STPG2: variants seen among roughly 807,000 people sequenced by gnomAD.
The protein encoded by STPG2 is sperm tail PG-rich repeat containing 2.
In STPG2, 56 loss-of-function variants were observed where a neutral mutation model predicts 54.2. The ratio of observed to expected loss-of-function variants is 1.03; its 90% CI spans 0.83 to 1.29. The LOEUF is 1.29. Among genes scored for constraint, STPG2 ranks in the 50% most tolerant of loss-of-function variants. STPG2 has a pLI of 0.00. For missense variants in STPG2, 596 were observed against 544.9 expected (o/e 1.09, Z -0.93); for synonymous variants, 200 against 181.8 (o/e 1.10, Z -0.81).
At chr4:97,802,068 T>C (rs1457901420) in intron 9 of STPG2, among the ~76,000 whole-genome samples, 1 of 152,156 alleles carries the variant, frequency 6.6e-6, no homozygotes, top group Non-Finnish European at 1.5e-5. Flanking sequence ...TCTAAGAATT[T>C]GAATCTCTAA....
intron 8 of STPG2, among the ~76,000 whole-genome samples, chr4:97,844,769 T>A (rs908842585): frequency 6.6e-6 from 1 of 151,988 alleles, no homozygotes; most frequent in Admixed American, 6.6e-5. Context: ...TTTCTGCTCC[T>A]TTCTTTCTCA....
intron 10 of STPG2, among the ~76,000 whole-genome samples, chr4:97,667,342 T>G (rs1722560375): frequency 6.6e-6 from 1 of 152,216 alleles, no homozygotes; most frequent in African/African-American, 2.4e-5. Context: ...CTTACTACTT[T>G]AAGTACAGAT....
At chr4:97,670,954 A>G (rs941695378) in intron 10 of STPG2, among the ~76,000 whole-genome samples, 2 of 152,170 alleles carry the variant, frequency 1.3e-5, no homozygotes, top group African/African-American at 2.4e-5. Flanking sequence ...CTTCTCTGGA[A>G]AAGGTGCACC....
At chr4:97,657,877 C>T (rs925823177) in intron 10 of STPG2, among the ~76,000 whole-genome samples, 9 of 152,180 alleles carry the variant, frequency 5.9e-5, no homozygotes, top group African/African-American at 1.7e-4. Flanking sequence ...TCCATGAACA[C>T]GTCTATGAAC....
chr4:97,790,422 C>T (rs913887495), intron 9 of STPG2, among the ~76,000 whole-genome samples: 2 of 152,238 alleles, frequency 1.3e-5, no homozygotes, highest in South Asian at 2.1e-4. Context: ...TGTTTCTCTG[C>T]CTGTGTCTCA....
chr4:97,520,307 C>T (rs938840407), intron 4 of STPG2, among the ~76,000 whole-genome samples: 20 of 152,000 alleles, frequency 1.3e-4, no homozygotes, highest in Non-Finnish European at 7.4e-5. Context: ...AAGTCTAGTA[C>T]AAGTAGGTAT....
At chr4:97,571,398 G>C (rs893950834) in intron 10 of STPG2, among the ~76,000 whole-genome samples, 4 of 152,046 alleles carry the variant, frequency 2.6e-5, no homozygotes, top group South Asian at 2.1e-4. Context: ...AGTGGAGGTC[G>C]AACGTGCCTC....
intron 9 of STPG2, among the ~76,000 whole-genome samples, chr4:97,818,875 A>G (rs930449691): frequency 6.7e-6 from 1 of 150,272 alleles, no homozygotes; most frequent in Non-Finnish European, 1.5e-5. Context: ...TATGCTTCTT[A>G]CCAAATATAA....
intron 9 of STPG2, among the ~76,000 whole-genome samples, chr4:97,718,202 A>C (rs2149013123): frequency 6.6e-6 from 1 of 152,246 alleles, no homozygotes; most frequent in Non-Finnish European, 1.5e-5. Flanking sequence ...AGATGAAGTC[A>C]CATAAAATCC....
At chr4:98,100,889 T>C (rs904897870) in intron 5 of STPG2, among the ~76,000 whole-genome samples, 17 of 152,036 alleles carry the variant, frequency 1.1e-4, no homozygotes, top group African/African-American at 3.9e-4. Flanking sequence ...TTGGCCAGGC[T>C]GGTTTCAAAC....
At chr4:97,624,527 C>T (rs111590031) in intron 10 of STPG2, among the ~76,000 whole-genome samples, 2,270 of 152,200 alleles carry the variant, frequency 0.015, 52 homozygotes, top group African/African-American at 0.052. Flanking sequence ...GATATTAGAC[C>T]TCTGTCAGGT....
At chr4:97,763,603 A>G (rs532632426) in intron 9 of STPG2, among the ~76,000 whole-genome samples, 5 of 152,270 alleles carry the variant, frequency 3.3e-5, no homozygotes, top group Non-Finnish European at 5.9e-5. Context: ...TTGTCCGGGC[A>G]TCATTAACAG....
chr4:97,842,433 C>A (rs1459444143), intron 8 of STPG2, among the ~76,000 whole-genome samples: 1 of 151,828 alleles, frequency 6.6e-6, no homozygotes, highest in Non-Finnish European at 1.5e-5. Flanking sequence ...TATAAAAACA[C>A]AAAGAGATCC....
intron 8 of STPG2, among the ~76,000 whole-genome samples, chr4:97,865,319 G>A (rs1729727282): frequency 6.6e-6 from 1 of 152,172 alleles, no homozygotes; most frequent in Non-Finnish European, 1.5e-5. Flanking sequence ...AGACATTTAT[G>A]CAGCCAAAAG....
intron 10 of STPG2, among the ~76,000 whole-genome samples, chr4:97,608,961 G>A (rs1733662149): frequency 6.6e-6 from 1 of 151,984 alleles, no homozygotes; most frequent in African/African-American, 2.4e-5. Context: ...TATATTCCAT[G>A]AGCACAACAC....
intron 9 of STPG2, among the ~76,000 whole-genome samples, chr4:97,729,793 G>A (rs1355006083): frequency 3.9e-5 from 6 of 152,128 alleles, no homozygotes; most frequent in Non-Finnish European, 8.8e-5. Flanking sequence ...GTGTTTAGAA[G>A]CATAGACTTT....
chr4:98,115,085 T>A (rs78973072), intron 3 of STPG2, among the ~76,000 whole-genome samples: 2,621 of 152,048 alleles, frequency 0.017, 74 homozygotes, highest in African/African-American at 0.06. Flanking sequence ...TTTAAGTAAA[T>A]GCTATATTAT....
intron 5 of STPG2, among the ~76,000 whole-genome samples, chr4:98,090,132 T>C (rs1368088063): frequency 6.6e-6 from 1 of 152,188 alleles, no homozygotes; most frequent in Non-Finnish European, 1.5e-5. Context: ...CCTAAGCCAA[T>C]GTCTAAAGCA....
chr4:97,819,975 T>G (rs985177663), intron 9 of STPG2, among the ~76,000 whole-genome samples: 7 of 151,122 alleles, frequency 4.6e-5, no homozygotes, highest in Non-Finnish European at 1.0e-4. Flanking sequence ...TTGTTTTTTG[T>G]TTTTTTTTAA....
Sources: allele counts gnomAD v4.1 joint callset (sites outside exome capture counted in the v4.1 genomes callset), GRCh38; gene constraint gnomAD v4.1.1; transcripts MANE v1.5; gene names NCBI Gene and HGNC (gene_info 2026-07-23, HGNC 2026-07-21).